NLK: variants seen among roughly 807,000 people sequenced by gnomAD.
The protein encoded by NLK is nemo like kinase.
NLK carries 11 observed loss-of-function variants against 59.0 expected under a neutral mutation model. The ratio of observed to expected loss-of-function variants is 0.19; its 90% CI spans 0.12 to 0.31. The LOEUF is 0.31. Among genes scored for constraint, NLK ranks in the 10% least tolerant of loss-of-function variants. The pLI is 1.00. For synonymous variants in NLK, 235 were observed against 235.9 expected (o/e 1.00, Z 0.03); for missense variants, 410 against 661.1 (o/e 0.62, Z 4.16).
At chr17:28,147,886 T>A (rs752272000) in intron 3 of NLK, among the ~76,000 whole-genome samples, 5 of 152,198 alleles carry the variant, frequency 3.3e-5, no homozygotes, top group South Asian at 2.1e-4. Flanking sequence ...TTCTAAAGAA[T>A]GTCATGTTGT....
chr17:28,108,040 C>T (rs1024484239), intron 1 of NLK, among the ~76,000 whole-genome samples: 1 of 152,018 alleles, frequency 6.6e-6, no homozygotes, highest in Non-Finnish European at 1.5e-5. Flanking sequence ...TTGAGCCCAG[C>T]CTGGCCAACA....
chr17:28,071,090 C>G (rs1909993005), intron 1 of NLK, among the ~76,000 whole-genome samples: 1 of 152,188 alleles, frequency 6.6e-6, no homozygotes, highest in Non-Finnish European at 1.5e-5. Context: ...TTGCCTCCAC[C>G]ACTAAATGCT....
intron 3 of NLK, among the ~76,000 whole-genome samples, chr17:28,146,700 C>A (rs1410791749): frequency 6.6e-6 from 1 of 152,180 alleles, no homozygotes; most frequent in African/African-American, 2.4e-5. Context: ...AATTTCCAGG[C>A]CTTCTCCCTC....
chr17:28,077,809 A>G (rs1299982067), intron 1 of NLK, among the ~76,000 whole-genome samples: 1 of 152,212 alleles, frequency 6.6e-6, no homozygotes, highest in Non-Finnish European at 1.5e-5. Context: ...TAAACTAACT[A>G]TAGATTTTCA....
intron 1 of NLK, among the ~76,000 whole-genome samples, chr17:28,071,104 A>G (rs9902833): frequency 0.57 from 86,822 of 152,044 alleles, 25,384 homozygotes; most frequent in East Asian, 0.65. Context: ...AAATGCTAGT[A>G]GCCACTCAGT....
At chr17:28,140,332 G>T (rs936681757) in intron 3 of NLK, among the ~76,000 whole-genome samples, 40 of 152,238 alleles carry the variant, frequency 2.6e-4, no homozygotes, top group Middle Eastern at 3.4e-3. Flanking sequence ...TAATGAAAAG[G>T]TTCTGGAAAT....
intron 7 of NLK, among the ~76,000 whole-genome samples, chr17:28,184,520 G>T (rs918291789): frequency 6.6e-6 from 1 of 152,092 alleles, no homozygotes; most frequent in Non-Finnish European, 1.5e-5. Context: ...GTGTACGCAC[G>T]ATAAATAAAT....
intron 1 of NLK, among the ~76,000 whole-genome samples, chr17:28,057,572 T>C (rs563064548): frequency 6.6e-6 from 1 of 152,346 alleles, no homozygotes; most frequent in African/African-American, 2.4e-5. Context: ...TTTGTTGTTG[T>C]GGTTTTTATC....
At chr17:28,141,175 T>C (rs887574937) in intron 3 of NLK, among the ~76,000 whole-genome samples, 1 of 152,206 alleles carries the variant, frequency 6.6e-6, no homozygotes, top group Non-Finnish European at 1.5e-5. Flanking sequence ...AGGGAGATCC[T>C]TTTAAATGGA....
intron 1 of NLK, among the ~76,000 whole-genome samples, chr17:28,061,639 A>C (rs1369895199): frequency 6.6e-6 from 1 of 151,620 alleles, no homozygotes; most frequent in South Asian, 2.1e-4. Flanking sequence ...GATAGAGGAG[A>C]CACAAAGAGG....
At chr17:28,151,236 G>A (rs1329684224) in intron 3 of NLK, among the ~76,000 whole-genome samples, 2 of 152,140 alleles carry the variant, frequency 1.3e-5, no homozygotes, top group Non-Finnish European at 2.9e-5. Flanking sequence ...ACATCTGGGA[G>A]ACATTATGCT....
chr17:28,072,909 C>T (rs188502486), intron 1 of NLK, among the ~76,000 whole-genome samples: 480 of 152,124 alleles, frequency 3.2e-3, no homozygotes, highest in Non-Finnish European at 5.8e-3. Context: ...CTTTGTTGGT[C>T]TAATACATTG....
chr17:28,089,041 A>T (rs1364807941), intron 1 of NLK, among the ~76,000 whole-genome samples: 2 of 152,232 alleles, frequency 1.3e-5, no homozygotes, highest in Non-Finnish European at 2.9e-5. Flanking sequence ...CACAGTGCAT[A>T]CACAGTACTC....
At chr17:28,202,044 T>C in the NLK span, among the ~76,000 whole-genome samples, 10 of 151,884 alleles carry the variant, frequency 6.6e-5, no homozygotes, top group East Asian at 1.4e-3. Flanking sequence ...AATGATGATA[T>C]TGATTGATAG....
intron 1 of NLK, among the ~76,000 whole-genome samples, chr17:28,087,714 C>G (rs1910561348): frequency 6.6e-6 from 1 of 152,100 alleles, no homozygotes; most frequent in African/African-American, 2.4e-5. Context: ...TATTTATTTT[C>G]TGTTCAAAAT....
chr17:28,118,069 T>C (rs1905858173), intron 1 of NLK, among the ~76,000 whole-genome samples: 1 of 152,202 alleles, frequency 6.6e-6, no homozygotes, highest in African/African-American at 2.4e-5. Flanking sequence ...ATAGGATACA[T>C]TTCCTAGACT....
chr17:28,189,483 A>G (rs550610659), intron 8 of NLK, among the ~76,000 whole-genome samples: 3 of 152,358 alleles, frequency 2.0e-5, no homozygotes, highest in African/African-American at 7.2e-5. Context: ...GTAAGTGTGA[A>G]GCATCTTACA....
intron 1 of NLK, among the ~76,000 whole-genome samples, chr17:28,090,638 C>T (rs905334674): frequency 3.3e-5 from 5 of 151,924 alleles, no homozygotes; most frequent in African/African-American, 1.2e-4. Flanking sequence ...GTGGGAGGAT[C>T]GCTTGAGGCC....
intron 1 of NLK, among the ~76,000 whole-genome samples, chr17:28,077,023 C>T (rs1392439128): frequency 3.3e-5 from 5 of 149,384 alleles, no homozygotes; most frequent in Middle Eastern, 3.2e-3. Context: ...AGTTAGTACC[C>T]GTGTCCCTTT....
Sources: gnomAD v4.1 joint callset for allele counts (sites outside exome capture counted in the v4.1 genomes callset) on GRCh38, gnomAD v4.1.1 for gene constraint, MANE v1.5 for transcripts, NCBI Gene and HGNC (gene_info 2026-07-23, HGNC 2026-07-21) for gene names.